Variants in SLC1A7 observed in about 807,000 individuals in gnomAD.
The protein encoded by SLC1A7 is excitatory amino acid transporter 5.
A neutral mutation model predicts 47.7 loss-of-function variants in SLC1A7; 40 were observed. The observed-to-expected ratio is 0.84, with a 90% confidence interval of 0.65 to 1.09. The LOEUF is 1.09. SLC1A7 is among the 50% of genes least tolerant of loss of function. SLC1A7 has a pLI of 0.00. For synonymous variants in SLC1A7, 323 were observed against 325.6 expected, an observed-to-expected ratio of 0.99 and a Z score of 0.09; for missense variants, 746 against 769.5, an observed-to-expected ratio of 0.97 and a Z score of 0.36.
chr1:53,105,252 T>G (rs1192566282), intron 4 of SLC1A7, among the ~76,000 whole-genome samples: 3 of 152,232 alleles, frequency 2.0e-5, no homozygotes, highest in Admixed American at 2.0e-4. Context: ...AACATCATTA[T>G]TATTCTTGTT....
chr1:53,137,287 C>CAAA (rs60113708), intron 1 of SLC1A7, among the ~76,000 whole-genome samples: 1 of 100,750 alleles, frequency 9.9e-6, no homozygotes, highest in Non-Finnish European at 2.0e-5. Flanking sequence ...ACGCTATCTC[C>CAAA]AAAAAAAAAA....
intron 3 of SLC1A7, among the ~76,000 whole-genome samples, chr1:53,106,584 AG>A (rs1451274403): frequency 2.1e-5 from 3 of 140,654 alleles, no homozygotes; most frequent in African/African-American, 7.9e-5. Flanking sequence ...TGGGCGGCAG[AG>A]CAAGACACCG....
intron 4 of SLC1A7, among the ~76,000 whole-genome samples, chr1:53,104,350 T>C (rs1255496339): frequency 6.6e-6 from 1 of 152,234 alleles, no homozygotes; most frequent in Non-Finnish European, 1.5e-5. Flanking sequence ...GCTACCATCA[T>C]CGTCATCATC....
rs199551726 is a variant in SLC1A7, at chr1:53,134,320, C to T, written c.215+30G>A. 7.3e-4 allele frequency: 1,149 copies of T among 1,567,698 alleles called. 1 individual carries two copies. The highest frequency in any genetic ancestry group is 1.1e-3 in the South Asian group (96 of 88,322). ...AAGCCATCCTCTACCCTCCTGGTTC[C>T]GGACCACCTGGTCAAACCCCCGCTC... On this transcript the variant is annotated intron_variant, in intron 2 of 10. Coordinates refer to ENST00000371494, the MANE Select transcript of SLC1A7 (RefSeq NM_006671.6).
At position 53,094,399 on chromosome 1, in the gene SLC1A7, GCCCTAC is replaced by G. The variant is rs1644460635; in HGVS notation, c.698-845_698-840del. Reference sequence around the variant, plus strand: ...GTCCTGAAACAGGGACTGAGTGGCTGCCCTACCTCCTGGTGAGACCGACGTGGGGAG... The same window carrying G: ...GTCCTGAAACAGGGACTGAGTGGCTGCTCCTGGTGAGACCGACGTGGGGAG... On this transcript the variant is annotated intron_variant, in intron 5 of 10. Coordinates refer to ENST00000371494, the MANE Select transcript of SLC1A7 (RefSeq NM_006671.6). Among the ~76,000 whole-genome samples, 38 of 152,336 alleles carry G rather than the reference GCCCTAC, an allele frequency of 2.5e-4. No homozygotes were observed. The South Asian group carries it at 7.9e-3, about 32-fold the overall frequency.
intron 2 of SLC1A7, among the ~76,000 whole-genome samples, chr1:53,130,159 C>T (rs1236611362): frequency 1.3e-5 from 2 of 152,214 alleles, no homozygotes; most frequent in Admixed American, 6.5e-5. Flanking sequence ...AGATCATCAT[C>T]CATTTTACCA....
Position 53,103,177 on chromosome 1 carries a change from T to TG in SLC1A7, c.697+168dup, listed in dbSNP as rs140757294. 6.5e-3 allele frequency: 3,490 copies of TG among 533,416 alleles called. 102 individuals carry two copies. Among genetic ancestry groups the TG allele is most frequent in the African/African-American group, 0.062 (3,116 of 50,488 alleles). 33.0% of individuals were successfully genotyped at this position (533,416 alleles called of 1,614,324 possible). ...CCAGGGGGAAGCCCCTGGGGTGGGGTGGGGAGGCGAAGGATTTAAATAAAC... is the reference window on the plus strand; with the variant it reads ...CCAGGGGGAAGCCCCTGGGGTGGGGTGGGGGAGGCGAAGGATTTAAATAAAC... On this transcript the variant is annotated intron_variant, in intron 5 of 10. Coordinates refer to ENST00000371494, the MANE Select transcript of SLC1A7 (RefSeq NM_006671.6).
intron 2 of SLC1A7, among the ~76,000 whole-genome samples, chr1:53,133,383 G>C (rs1404067468): frequency 6.6e-6 from 1 of 152,182 alleles, no homozygotes; most frequent in Non-Finnish European, 1.5e-5. Context: ...GCTTGCAAAG[G>C]CCTCTGTGCA....
chr1:53,133,281 C>G (rs1644958958), intron 2 of SLC1A7, among the ~76,000 whole-genome samples: 1 of 152,172 alleles, frequency 6.6e-6, no homozygotes, highest in Non-Finnish European at 1.5e-5. Flanking sequence ...GAGACAGTCA[C>G]TAGAGTGAGT....
chr1:53,105,631 G>T lies in SLC1A7; in HGVS notation c.474+101C>A, dbSNP rs1644632259. The T allele has an allele frequency of 6.4e-6, 6 of 937,386 alleles. No individual in the cohort carries two copies. In the South Asian group the frequency reaches 7.8e-5, roughly 12 times the overall value. The allele number at this position is 937,386 out of a possible 1,614,324, so 58.1% of individuals were successfully genotyped here. A position where few individuals can be genotyped will look rare whatever the true frequency, so the allele number is the denominator to read the frequency against. ...CCACCTCCAGCAGACAGCGTGACTG[G>T]CCAGCACACCTGTCACTTCCCAGCC... On this transcript the variant is annotated intron_variant, in intron 4 of 10. Transcript: ENST00000371494.
chr1:53,106,748 G>A (rs1034489122), intron 3 of SLC1A7, among the ~76,000 whole-genome samples: 2 of 152,194 alleles, frequency 1.3e-5, no homozygotes, highest in Admixed American at 1.3e-4. Context: ...GTGAGGAAAC[G>A]AAGGATTCAT....
At chr1:53,139,533 G>A (rs1232036546) in intron 1 of SLC1A7, among the ~76,000 whole-genome samples, 1 of 152,148 alleles carries the variant, frequency 6.6e-6, no homozygotes, top group Non-Finnish European at 1.5e-5. Flanking sequence ...GAATTGGAAG[G>A]TCCCTAGGGG....
chr1:53,138,990 C>T (rs2150348681), intron 1 of SLC1A7, among the ~76,000 whole-genome samples: 1 of 152,332 alleles, frequency 6.6e-6, no homozygotes, highest in South Asian at 2.1e-4. Context: ...CTTGTCTCTG[C>T]TTCACTAGAG....
At chr1:53,123,298 A>G (rs1644844525) in intron 2 of SLC1A7, among the ~76,000 whole-genome samples, 2 of 152,174 alleles carry the variant, frequency 1.3e-5, no homozygotes, top group Non-Finnish European at 2.9e-5. Flanking sequence ...CCCTCCCTGC[A>G]CCAGCAGGGC....
In SLC1A7 at chr1:53,133,477, G is replaced by T. The variant is rs189180932; in HGVS notation, c.215+873C>A. Among the ~76,000 whole-genome samples the T allele has an allele frequency of 2.7e-3, 405 of 152,308 alleles. 5 individuals carry two copies. The highest frequency in any genetic ancestry group is 0.012 in the South Asian group (60 of 4,820). ...CAAGGAGCTGGCTCACTGCTCAGCA[G>T]CAGGGAGGCTGGGAGGCAGAACGCA... On this transcript the variant is annotated intron_variant, in intron 2 of 10. Coordinates refer to ENST00000371494, the MANE Select transcript of SLC1A7 (RefSeq NM_006671.6).
intron 5 of SLC1A7, among the ~76,000 whole-genome samples, chr1:53,101,848 TCA>T (rs35812030): frequency 0.068 from 9,492 of 139,328 alleles, 579 homozygotes; most frequent in East Asian, 0.27. Context: ...CTCAGTACAC[TCA>T]CACGCCCGCC....
At chr1:53,130,236 C>A (rs1644928540) in intron 2 of SLC1A7, among the ~76,000 whole-genome samples, 1 of 152,168 alleles carries the variant, frequency 6.6e-6, no homozygotes, top group Non-Finnish European at 1.5e-5. Flanking sequence ...CAGAGTGAGA[C>A]TTTAAATTAA....
intron 3 of SLC1A7, among the ~76,000 whole-genome samples, chr1:53,112,381 G>A (rs1196108996): frequency 6.6e-6 from 1 of 152,228 alleles, no homozygotes; most frequent in Non-Finnish European, 1.5e-5. Flanking sequence ...GCAGACATGT[G>A]AGTGAGCTCA....
intron 5 of SLC1A7, 116 bp downstream of exon 5, chr1:53,103,230 A>G: frequency 1.3e-6 from 1 of 754,934 alleles, no homozygotes; most frequent in Non-Finnish European, 2.1e-6. Context: ...CCAGTTTTTC[A>G]CAGTAAACCT....
Sources: gnomAD v4.1 joint callset for allele counts (sites outside exome capture counted in the v4.1 genomes callset) on GRCh38, gnomAD v4.1.1 for gene constraint, MANE v1.5 for transcripts, NCBI Gene and HGNC (gene_info 2026-07-23, HGNC 2026-07-21) for gene names.